GIGYF2: variants seen among roughly 807,000 people sequenced by gnomAD.
GIGYF2 encodes the protein GRB10 interacting GYF protein 2, also known as GRB10-interacting GYF protein 2.
Under a neutral mutation model 208.1 loss-of-function variants are expected in GIGYF2, and 25 were observed. The ratio of observed to expected loss-of-function variants is 0.12; its 90% CI spans 0.09 to 0.17. The LOEUF (loss-of-function observed/expected upper bound fraction) is 0.17, where lower values mean the gene tolerates loss of function less well. GIGYF2 is among the 10% of genes least tolerant of loss of function. The pLI is 1.00. For missense variants in GIGYF2, 1,302 were observed against 1,579.4 expected (o/e 0.82, Z 2.98); for synonymous variants, 534 against 543.8 (o/e 0.98, Z 0.25).
intron 15 of GIGYF2, among the ~76,000 whole-genome samples, chr2:232,807,056 T>G (rs183423457): frequency 0.012 from 1,843 of 152,304 alleles, 43 homozygotes; most frequent in African/African-American, 0.042. Context: ...TCTTTGACTT[T>G]CTTTGCTTCC....
rs1698188294 is a variant in GIGYF2, at chr2:232,747,500, T to C, written c.42-115T>C. 3 of 1,099,928 alleles carry C rather than the reference T, an allele frequency of 2.7e-6. No homozygotes were observed. The South Asian group carries it at 3.9e-5, about 14-fold the overall frequency. The allele number at this position is 1,099,928 out of a possible 1,614,324, so 68.1% of individuals were successfully genotyped here. On this transcript the variant is annotated intron_variant, in intron 3 of 28. Transcript: ENST00000373563. ...GCTAAAGTCTGATACTTTGAGATAG[T>C]AGGATTTCTTTTTGCTCTTCTAAAG...
intron 8 of GIGYF2, chr2:232,770,856 T>A (rs1423607739): frequency 1.5e-6 from 2 of 1,369,232 alleles, no homozygotes; most frequent in Admixed American, 3.6e-5. Flanking sequence ...AGTTTTGTTT[T>A]GTTTTGTTTT....
chr2:232,797,665 G>A (rs115880474), intron 14 of GIGYF2, among the ~76,000 whole-genome samples: 1,871 of 152,204 alleles, frequency 0.012, 45 homozygotes, highest in African/African-American at 0.042. Flanking sequence ...ACACAAGTGG[G>A]ACATTGACAT....
intron 7 of GIGYF2, 63 bp from the exon 8 acceptor site, chr2:232,761,333 G>T: frequency 9.9e-7 from 1 of 1,014,152 alleles, no homozygotes; most frequent in Admixed American, 1.7e-5. Flanking sequence ...GAAAGTGAGT[G>T]TCACAGATAG....
Position 232,714,226 on chromosome 2 carries a change from C to G in GIGYF2, c.-44+10737C>G, listed in dbSNP as rs1189345696. Among the ~76,000 whole-genome samples, 3 of 152,272 alleles carry G rather than the reference C, an allele frequency of 2.0e-5. No individual in the cohort carries two copies. The East Asian group carries it at 5.8e-4, about 29-fold the overall frequency. On this transcript the variant is annotated intron_variant, in intron 2 of 28. Transcript: ENST00000373563. ...TCGGCCTCCCAAAGTGCTGGGATTA[C>G]AGGCGTGAGCCACCATGCCGGACCG...
In GIGYF2 at chr2:232,717,194, C is replaced by T. The variant is rs180942103; in HGVS notation, c.-44+13705C>T. ...GGGCATAGTAGCTCATACCTGTAAT[C>T]CCAGTGCTTTGGGAGGCTGAGGCAA... On this transcript the variant is annotated intron_variant, in intron 2 of 28. Transcript: ENST00000373563. Among the ~76,000 whole-genome samples the T allele has an allele frequency of 5.1e-3, 783 of 152,170 alleles. 6 individuals are homozygous for T. The highest frequency in any genetic ancestry group is 0.018 in the African/African-American group (759 of 41,502).
chr2:232,755,013 G>C lies in GIGYF2; in HGVS notation c.268-1210G>C, dbSNP rs12105597. 9.6e-3 allele frequency among the ~76,000 whole-genome samples: 1,455 copies of C among 152,200 alleles called. 26 individuals are homozygous for C. The highest frequency in any genetic ancestry group is 0.033 in the African/African-American group (1,355 of 41,516). On this transcript the variant is annotated intron_variant, in intron 5 of 28. Coordinates refer to ENST00000373563, the MANE Select transcript of GIGYF2 (RefSeq NM_001103146.3). ...TATTTATTACAACACATTTAATAAT[G>C]AAAGTAGAAGTTTTTTAACGATTAG...
intron 3 of GIGYF2, among the ~76,000 whole-genome samples, chr2:232,746,142 A>G (rs1489620150): frequency 6.6e-6 from 1 of 151,462 alleles, no homozygotes; most frequent in Non-Finnish European, 1.5e-5. Context: ...TTTTTGGTGC[A>G]TTTATGAAAA....
At position 232,796,092 on chromosome 2, in the gene GIGYF2, G is replaced by A. The variant is rs1453962963; in HGVS notation, c.1510G>A (p.Asp504Asn). ...QAEKMVAYLQDSALDDERLAS... is the reference protein window; with the variant it reads ...QAEKMVAYLQNSALDDERLAS... The stretch of plus-strand genomic sequence containing the variant: ...TGAGAAAATGGTGGCTTATCTCCAA[G>A]ACAGTGCACTAGATGATGAAAGATT... Residue 504 changes from aspartate to asparagine, a missense_variant, in exon 14 of 29, where the codon GAC (aspartate) becomes AAC (asparagine). This residue lies in a region of GIGYF2 where 69 missense variants were observed against 132.8 expected (regional missense o/e 0.52). Coordinates refer to ENST00000373563, the MANE Select transcript of GIGYF2 (RefSeq NM_001103146.3). The A allele has an allele frequency of 1.2e-6, 2 of 1,611,720 alleles. No individual in the cohort carries two copies. Among genetic ancestry groups the A allele is most frequent in the Non-Finnish European group, 1.7e-6 (2 of 1,177,894 alleles).
chr2:232,844,110 A>G lies in GIGYF2; in HGVS notation c.2954A>G (p.Lys985Arg). The change falls in exon 24 of 29, where the codon AAA (lysine) becomes AGA (arginine). Residue 985 changes from lysine (K) to arginine (R), a missense_variant. Coordinates refer to ENST00000373563, the MANE Select transcript of GIGYF2 (RefSeq NM_001103146.3). ...CAGCAGCAGCAACAGCAACAGCAGA[A>G]ACTCTCAGGTTGGGGGAATGTCAGC... The part of the protein sequence containing the change: ...LQQQQQQQQQ[K>R]LSGWGNVSKP... The G allele has an allele frequency of 6.2e-7, 1 of 1,602,638 alleles. No individual in the cohort carries two copies. The highest frequency in any genetic ancestry group is 1.1e-5 in the South Asian group (1 of 89,966).
In GIGYF2 at chr2:232,791,247, T is replaced by C. The variant is rs1221289144; in HGVS notation, c.1094-11T>C. 1.9e-6 allele frequency: 3 copies of C among 1,614,060 alleles called. No homozygotes were observed. The highest frequency in any genetic ancestry group is 1.6e-4 in the Middle Eastern group (1 of 6,062). The stretch of plus-strand genomic sequence containing the variant: ...TTTCGTAAGTTCAACTAAGATTACT[T>C]CGTGTTCCAGAAGCTAGTGAGGAAA... On this transcript the variant is annotated splice_polypyrimidine_tract_variant and intron_variant, in intron 11 of 28. Coordinates refer to ENST00000373563, the MANE Select transcript of GIGYF2 (RefSeq NM_001103146.3).
intron 15 of GIGYF2, among the ~76,000 whole-genome samples, chr2:232,808,434 G>A (rs1012031892): frequency 2.6e-5 from 4 of 152,148 alleles, no homozygotes; most frequent in African/African-American, 9.7e-5. Flanking sequence ...GCAAAGCCCT[G>A]CTTCCTGTCT....
In GIGYF2 at chr2:232,857,834, C is replaced by T. The variant is rs1690633461; in HGVS notation, c.*974C>T. On this transcript the variant is annotated 3_prime_UTR_variant, in exon 29 of 29. Coordinates refer to ENST00000373563, the MANE Select transcript of GIGYF2 (RefSeq NM_001103146.3). ...TTCTGATAAAAGCCTGGAATTTCATCTGGTCCTCAGAGCATTGCGTGTGTG... is the reference window on the plus strand; with the variant it reads ...TTCTGATAAAAGCCTGGAATTTCATTTGGTCCTCAGAGCATTGCGTGTGTG... The T allele has an allele frequency of 1.3e-5, 2 of 152,746 alleles. No homozygotes were observed. The highest frequency in any genetic ancestry group is 2.4e-5 in the African/African-American group (1 of 41,570). The allele number at this position is 152,746 out of a possible 1,614,324, so 9.5% of individuals were successfully genotyped here.
intron 2 of GIGYF2, among the ~76,000 whole-genome samples, chr2:232,726,616 G>GT (rs1333651812): frequency 2.0e-5 from 3 of 151,804 alleles, no homozygotes; most frequent in Non-Finnish European, 2.9e-5. Context: ...AGAGTTTTTT[G>GT]TTTTTTTAGT....
intron 26 of GIGYF2, 128 bp downstream of exon 26, chr2:232,846,014 C>A: frequency 1.4e-6 from 1 of 712,778 alleles, no homozygotes; most frequent in South Asian, 1.5e-5. Flanking sequence ...CTGCACCTGC[C>A]ATAGGAACTT....
At chr2:232,795,837 G>A (rs115031888) in intron 13 of GIGYF2, among the ~76,000 whole-genome samples, 232 of 152,246 alleles carry the variant, frequency 1.5e-3, no homozygotes, top group African/African-American at 5.3e-3. Context: ...GTAATTTTCA[G>A]ACCTTGAACA....
chr2:232,743,580 A>C (rs187088719), intron 3 of GIGYF2, among the ~76,000 whole-genome samples: 1 of 152,298 alleles, frequency 6.6e-6, no homozygotes, highest in Non-Finnish European at 1.5e-5. Flanking sequence ...ACCCCCAAGT[A>C]GACCCCAGTG....
intron 5 of GIGYF2, among the ~76,000 whole-genome samples, chr2:232,755,554 C>T (rs1245215344): frequency 1.3e-5 from 2 of 152,212 alleles, no homozygotes; most frequent in African/African-American, 4.8e-5. Flanking sequence ...TCCACTATCT[C>T]TTTTTACTTG....
Position 232,858,780 on chromosome 2 carries a change from A to G in GIGYF2, c.*1920A>G, listed in dbSNP as rs1690668858. Reference sequence around the variant, plus strand: ...ACCACGTAGCACTGGCTGGTTCTGTATTTGAGAATGTAGAGGTCAAGGCAG... The same window carrying G: ...ACCACGTAGCACTGGCTGGTTCTGTGTTTGAGAATGTAGAGGTCAAGGCAG... On this transcript the variant is annotated 3_prime_UTR_variant, in exon 29 of 29. Transcript: ENST00000373563. 1 of 332,614 alleles carries G rather than the reference A, an allele frequency of 3.0e-6. No individual in the cohort carries two copies. Among genetic ancestry groups the G allele is most frequent in the Non-Finnish European group, 5.9e-6 (1 of 169,224 alleles). The allele number at this position is 332,614 out of a possible 1,614,324, so 20.6% of individuals were successfully genotyped here. A position where few individuals can be genotyped will look rare whatever the true frequency, so the allele number is the denominator to read the frequency against.
Sources: allele counts gnomAD v4.1 joint callset (sites outside exome capture counted in the v4.1 genomes callset), GRCh38; gene constraint gnomAD v4.1.1; regional missense constraint gnomAD v4.1.1; transcripts MANE v1.5; gene names NCBI Gene and HGNC (gene_info 2026-07-23, HGNC 2026-07-21).